Variants in RNF111 observed in about 807,000 individuals in gnomAD.
RNF111 encodes the protein E3 ubiquitin-protein ligase Arkadia.
A neutral mutation model predicts 95.1 loss-of-function variants in RNF111; 17 were observed. The observed-to-expected ratio is 0.18, with a 90% confidence interval of 0.12 to 0.27. The LOEUF (loss-of-function observed/expected upper bound fraction) is 0.27, where lower values mean the gene tolerates loss of function less well. RNF111 is among the 10% of genes least tolerant of loss of function. RNF111 has a pLI of 1.00. For synonymous variants in RNF111, 440 were observed against 414.8 expected, an observed-to-expected ratio of 1.06 and a Z score of -0.74; for missense variants, 1,189 against 1,210.4, an observed-to-expected ratio of 0.98 and a Z score of 0.26.
At chr15:59,055,032 G>A (rs149051916) in intron 3 of RNF111, among the ~76,000 whole-genome samples, 15 of 152,292 alleles carry the variant, frequency 9.8e-5, no homozygotes, top group African/African-American at 3.4e-4. Context: ...TTAGAACAGT[G>A]TAATGCCACA....
At position 59,028,801 on chromosome 15, in the gene RNF111, A is replaced by G. The variant is rs1211675693; in HGVS notation, c.-19-2003A>G. ...GTTTAATTTTTTTTTTTTTCTTGAG[A>G]TAGAGTCTTGCTCTGTTGCTCAAGC... On this transcript the variant is annotated intron_variant, in intron 1 of 13. Transcript: ENST00000348370. Among the ~76,000 whole-genome samples the G allele has an allele frequency of 2.7e-5, 4 of 146,798 alleles. 1 individual carries two copies. The highest frequency in any genetic ancestry group is 4.2e-4 in the South Asian group (2 of 4,720).
intron 1 of RNF111, among the ~76,000 whole-genome samples, chr15:58,994,569 C>G (rs1412164992): frequency 2.7e-5 from 4 of 148,232 alleles, no homozygotes; most frequent in Middle Eastern, 6.5e-3. Flanking sequence ...CCTCCATCTC[C>G]CAGGTTCAAG....
chr15:59,029,777 G>A lies in RNF111; in HGVS notation c.-19-1027G>A, dbSNP rs143393452. ...GTAATGGGAAGAAGATTTCTAGGGTGCTGGTTATGTTGTTTATCTGTGTGC... is the reference window on the plus strand; with the variant it reads ...GTAATGGGAAGAAGATTTCTAGGGTACTGGTTATGTTGTTTATCTGTGTGC... On this transcript the variant is annotated intron_variant, in intron 1 of 13. Coordinates refer to ENST00000348370, the MANE Select transcript of RNF111 (RefSeq NM_017610.8). Among the ~76,000 whole-genome samples, 693 of 152,248 alleles carry A rather than the reference G, an allele frequency of 4.6e-3. 6 individuals are homozygous for A. The highest frequency in any genetic ancestry group is 0.041 in the Middle Eastern group (12 of 294).
chr15:59,012,707 C>T (rs2039882613), intron 1 of RNF111, among the ~76,000 whole-genome samples: 1 of 151,144 alleles, frequency 6.6e-6, no homozygotes, highest in Non-Finnish European at 1.5e-5. Context: ...GGTTTTAGGC[C>T]CTTTCTTTTC....
intron 2 of RNF111, among the ~76,000 whole-genome samples, chr15:59,037,816 A>G (rs937133446): frequency 2.0e-5 from 3 of 152,204 alleles, no homozygotes; most frequent in East Asian, 3.9e-4. Flanking sequence ...AGCCTGGGCA[A>G]CAAGAGTGAA....
chr15:59,080,733 A>AAT (rs2078716092), intron 7 of RNF111, among the ~76,000 whole-genome samples: 1 of 152,110 alleles, frequency 6.6e-6, no homozygotes, highest in Non-Finnish European at 1.5e-5. Context: ...GTTAAACTAT[A>AAT]ATATATATAT....
chr15:59,046,599 T>C (rs888560893), intron 2 of RNF111, among the ~76,000 whole-genome samples: 2 of 152,180 alleles, frequency 1.3e-5, no homozygotes, highest in Admixed American at 6.5e-5. Context: ...TAGACCTAAA[T>C]GTAAGAACTA....
At chr15:59,009,140 A>G (rs1390289660) in intron 1 of RNF111, among the ~76,000 whole-genome samples, 1 of 151,872 alleles carries the variant, frequency 6.6e-6, no homozygotes, top group Non-Finnish European at 1.5e-5. Flanking sequence ...TTGTATTTTT[A>G]GTAGAGATGG....
Position 59,096,221 on chromosome 15 carries a change from C to G in RNF111, c.*1321C>G. The G allele has an allele frequency of 2.5e-6, 1 of 395,698 alleles. No individual in the cohort carries two copies. Among genetic ancestry groups the G allele is most frequent in the East Asian group, 3.6e-5 (1 of 27,802 alleles). The allele number at this position is 395,698 out of a possible 1,614,324, so 24.5% of individuals were successfully genotyped here. A position where few individuals can be genotyped will look rare whatever the true frequency, so the allele number is the denominator to read the frequency against. Reference sequence around the variant, plus strand: ...TCTACTTCAGGATGCATATTATTATCAAGATACTTTCATATACAGGATAGC... The same window carrying G: ...TCTACTTCAGGATGCATATTATTATGAAGATACTTTCATATACAGGATAGC... On this transcript the variant is annotated 3_prime_UTR_variant, in exon 14 of 14. Transcript: ENST00000348370.
chr15:58,989,781 A>G (rs1227649080), intron 1 of RNF111, among the ~76,000 whole-genome samples: 2 of 152,174 alleles, frequency 1.3e-5, no homozygotes, highest in Non-Finnish European at 2.9e-5. Flanking sequence ...AGGTGCAGTC[A>G]TTTAGCAGAT....
intron 10 of RNF111, 94 bp downstream of exon 10, chr15:59,085,879 T>C (rs2078884207): frequency 9.5e-7 from 1 of 1,050,798 alleles, no homozygotes; most frequent in Admixed American, 2.8e-5. Flanking sequence ...ATATAGATGT[T>C]TTAATAGAAT....
chr15:59,049,727 T>C (rs1409941496), intron 2 of RNF111: 2 of 152,368 alleles, frequency 1.3e-5, no homozygotes, highest in Non-Finnish European at 2.9e-5. Flanking sequence ...ACAGTAGCCA[T>C]TTTCTTTTTC....
chr15:59,063,797 T>A (rs1363144651), intron 5 of RNF111, among the ~76,000 whole-genome samples: 1 of 152,202 alleles, frequency 6.6e-6, no homozygotes, highest in African/African-American at 2.4e-5. Context: ...ATACCCTGAC[T>A]TTTAGAGTCA....
At chr15:59,044,849 T>C (rs1487115995) in intron 2 of RNF111, among the ~76,000 whole-genome samples, 1 of 152,212 alleles carries the variant, frequency 6.6e-6, no homozygotes, top group Admixed American at 6.5e-5. Flanking sequence ...AAATAACTTA[T>C]CTTAGAAAAC....
intron 2 of RNF111, among the ~76,000 whole-genome samples, chr15:59,043,857 G>A (rs940645284): frequency 3.8e-4 from 58 of 152,302 alleles, no homozygotes; most frequent in African/African-American, 1.4e-3. Flanking sequence ...GTACCATGGT[G>A]TCATTTATGA....
chr15:59,000,116 C>T (rs952715988), intron 1 of RNF111, among the ~76,000 whole-genome samples: 1 of 151,786 alleles, frequency 6.6e-6, no homozygotes, highest in East Asian at 1.9e-4. Context: ...TAGATATAAC[C>T]CATATAATAA....
intron 5 of RNF111, among the ~76,000 whole-genome samples, chr15:59,065,478 C>A (rs1161351693): frequency 1.3e-5 from 2 of 152,088 alleles, no homozygotes; most frequent in Non-Finnish European, 2.9e-5. Flanking sequence ...CCATGCAAGG[C>A]AATTTTATTA....
chr15:59,020,343 T>C (rs997681097), intron 1 of RNF111, among the ~76,000 whole-genome samples: 6 of 151,940 alleles, frequency 3.9e-5, no homozygotes, highest in African/African-American at 1.2e-4. Context: ...TTATTTAGTA[T>C]ACATTTCAGG....
At chr15:59,030,446 T>C (rs2040847876) in intron 1 of RNF111, among the ~76,000 whole-genome samples, 2 of 152,208 alleles carry the variant, frequency 1.3e-5, no homozygotes, top group Non-Finnish European at 2.9e-5. Flanking sequence ...CGAATCCTTT[T>C]ATTTATATTT....
Sources: allele counts gnomAD v4.1 joint callset (sites outside exome capture counted in the v4.1 genomes callset), GRCh38; gene constraint gnomAD v4.1.1; transcripts MANE v1.5; gene names NCBI Gene and HGNC (gene_info 2026-07-23, HGNC 2026-07-21).